TSPAN18: variants seen among roughly 807,000 people sequenced by gnomAD.
TSPAN18 encodes the protein tetraspanin-18.
TSPAN18 carries 14 observed loss-of-function variants against 27.3 expected under a neutral mutation model. The observed-to-expected ratio is 0.51, with a 90% CI of 0.34 to 0.80. The LOEUF (loss-of-function observed/expected upper bound fraction) is 0.80, where lower values mean the gene tolerates loss of function less well. TSPAN18 is among the 30% of genes least tolerant of loss of function. The pLI, the probability that TSPAN18 is intolerant of heterozygous loss-of-function variation, is 0.01. For synonymous variants in TSPAN18, 143 were observed against 136.5 expected (o/e 1.05, Z -0.33); for missense variants, 268 against 323.9 (o/e 0.83, Z 1.32).
At chr11:44,903,850 CA>C (rs1441440417) in intron 3 of TSPAN18, 7 of 456,714 alleles carry the variant, frequency 1.5e-5, no homozygotes, top group Non-Finnish European at 3.1e-5. Flanking sequence ...GCTGTGACCT[CA>C]GACAAGTCAC....
rs184016696 is a variant in TSPAN18 at position 44,892,330 on chromosome 11, G to A, written c.-10-14077G>A. Reference sequence around the variant, plus strand: ...AGAGAGGGTGGCTTCACTCTGACCCGCGCCATTCCTCCCAGGCCCCTGGAC... The same window carrying A: ...AGAGAGGGTGGCTTCACTCTGACCCACGCCATTCCTCCCAGGCCCCTGGAC... On this transcript the variant is annotated intron_variant, in intron 3 of 9. Transcript: ENST00000520358. Among the ~76,000 whole-genome samples the A allele has an allele frequency of 6.6e-5, 10 of 152,288 alleles. No individual in the cohort carries two copies. The South Asian group carries it at 1.2e-3, about 19-fold the overall frequency.
chr11:44,742,655 T>C (rs1272262398), intron 1 of TSPAN18, among the ~76,000 whole-genome samples: 1 of 151,996 alleles, frequency 6.6e-6, no homozygotes, highest in Non-Finnish European at 1.5e-5. Flanking sequence ...TCTGTCCCTC[T>C]CTCAGAGGCC....
intron 2 of TSPAN18, among the ~76,000 whole-genome samples, chr11:44,770,894 G>C (rs562488330): frequency 2.6e-5 from 4 of 152,148 alleles, no homozygotes; most frequent in Non-Finnish European, 4.4e-5. Context: ...GCCCAAGATG[G>C]AAGAGCCTAG....
intron 3 of TSPAN18, among the ~76,000 whole-genome samples, chr11:44,866,523 T>G (rs1223568748): frequency 6.6e-6 from 1 of 152,220 alleles, no homozygotes; most frequent in Non-Finnish European, 1.5e-5. Flanking sequence ...AGGGCACAGC[T>G]GTGGTCTTTG....
chr11:44,790,393 G>C (rs1228314222), intron 2 of TSPAN18, among the ~76,000 whole-genome samples: 1 of 149,430 alleles, frequency 6.7e-6, no homozygotes, highest in Non-Finnish European at 1.5e-5. Flanking sequence ...GTGTGCATGT[G>C]CTCTTGCTTG....
chr11:44,765,166 T>C (rs921619820), intron 2 of TSPAN18, among the ~76,000 whole-genome samples: 1 of 152,176 alleles, frequency 6.6e-6, no homozygotes, highest in African/African-American at 2.4e-5. Flanking sequence ...ATGTGACTTA[T>C]AAGTCATTTC....
chr11:44,892,311 G>A (rs1210426763), intron 3 of TSPAN18, among the ~76,000 whole-genome samples: 2 of 152,106 alleles, frequency 1.3e-5, no homozygotes, highest in Non-Finnish European at 2.9e-5. Flanking sequence ...GAGCAGAGAG[G>A]GTGGCTTCAC....
chr11:44,815,486 G>T (rs1243029976), intron 2 of TSPAN18, among the ~76,000 whole-genome samples: 2 of 152,184 alleles, frequency 1.3e-5, no homozygotes, highest in African/African-American at 4.8e-5. Context: ...CCCAGCCGAG[G>T]TGTGTTCTTT....
At chr11:44,744,901 C>T (rs977002606) in intron 1 of TSPAN18, among the ~76,000 whole-genome samples, 1 of 152,154 alleles carries the variant, frequency 6.6e-6, no homozygotes, top group Non-Finnish European at 1.5e-5. Context: ...TGCCTGAGTG[C>T]AGCTGAAGGG....
chr11:44,763,928 T>G (rs1855508538), intron 1 of TSPAN18, among the ~76,000 whole-genome samples: 1 of 152,104 alleles, frequency 6.6e-6, no homozygotes. Flanking sequence ...TTTAATTGGC[T>G]CACAGTTCTA....
chr11:44,851,504 G>A (rs1266661394), intron 2 of TSPAN18, among the ~76,000 whole-genome samples: 4 of 151,950 alleles, frequency 2.6e-5, no homozygotes, highest in African/African-American at 9.7e-5. Context: ...AAAGATCAAG[G>A]TTTGAACATC....
rs539767146 is a variant in TSPAN18 at position 44,856,544 on chromosome 11, T to C, written c.-152-3784T>C. On this transcript the variant is annotated intron_variant, in intron 2 of 9. Transcript: ENST00000520358. ...AATTCATAATGATATGAGGAACCCC[T>C]CCTTAGCCACCTGGAACTACAGAGC... Among the ~76,000 whole-genome samples the C allele has an allele frequency of 1.9e-4, 29 of 152,272 alleles. No homozygotes were observed. The South Asian group carries it at 5.6e-3, about 29-fold the overall frequency.
intron 2 of TSPAN18, among the ~76,000 whole-genome samples, chr11:44,779,439 A>T (rs1334136041): frequency 6.6e-6 from 1 of 152,162 alleles, no homozygotes; most frequent in Non-Finnish European, 1.5e-5. Context: ...AGGAATGGTC[A>T]ACTGGTTTTA....
intron 1 of TSPAN18, among the ~76,000 whole-genome samples, chr11:44,747,533 G>A (rs1855108653): frequency 6.6e-6 from 1 of 152,116 alleles, no homozygotes; most frequent in Non-Finnish European, 1.5e-5. Flanking sequence ...GAATATGACG[G>A]TTGCCATTAC....
chr11:44,833,711 C>A (rs1857203782), intron 2 of TSPAN18, among the ~76,000 whole-genome samples: 1 of 151,950 alleles, frequency 6.6e-6, no homozygotes, highest in Non-Finnish European at 1.5e-5. Context: ...GGTCACCCCA[C>A]CGAGCAGAGA....
At chr11:44,849,109 A>G (rs1590574265) in intron 2 of TSPAN18, among the ~76,000 whole-genome samples, 1 of 152,204 alleles carries the variant, frequency 6.6e-6, no homozygotes, top group Non-Finnish European at 1.5e-5. Context: ...GCTTGTGGTA[A>G]GCTCTTACAT....
chr11:44,915,308 G>C, intron 5 of TSPAN18, among the ~76,000 whole-genome samples: 1 of 152,192 alleles, frequency 6.6e-6, no homozygotes, highest in East Asian at 1.9e-4. Context: ...CTCCGTCACT[G>C]TCACAGGGGA....
chr11:44,884,536 A>G (rs1447470696), intron 3 of TSPAN18, among the ~76,000 whole-genome samples: 1 of 152,154 alleles, frequency 6.6e-6, no homozygotes, highest in Non-Finnish European at 1.5e-5. Flanking sequence ...TGTGCGGTTC[A>G]GCCCCTCACA....
At chr11:44,814,651 A>AATCCATCAATCC (rs1554987091) in intron 2 of TSPAN18, among the ~76,000 whole-genome samples, 8 of 146,550 alleles carry the variant, frequency 5.5e-5, no homozygotes, top group Non-Finnish European at 1.2e-4. Context: ...TTGGTGGTAG[A>AATCCATCAATCC]ATCCATCCAT....
Sources: gnomAD v4.1 joint callset for allele counts (sites outside exome capture counted in the v4.1 genomes callset) on GRCh38, gnomAD v4.1.1 for gene constraint, MANE v1.5 for transcripts, NCBI Gene and HGNC (gene_info 2026-07-23, HGNC 2026-07-21) for gene names.